Variants in PERP observed in about 807,000 individuals in gnomAD.
The protein encoded by PERP is p53 apoptosis effector related to PMP-22.
Under a neutral mutation model 20.3 loss-of-function variants are expected in PERP, and 11 were observed. The observed-to-expected ratio is 0.54, with a 90% confidence interval of 0.34 to 0.90. The LOEUF (loss-of-function observed/expected upper bound fraction) is 0.90. Ranked by LOEUF, PERP falls within the 40% of genes least tolerant of loss-of-function variation. The pLI is 0.02. For missense variants in PERP, 224 were observed against 249.4 expected (o/e 0.90, Z 0.69); for synonymous variants, 101 against 102.0 (o/e 0.99, Z 0.06).
chr6:138,103,882 G>A (rs575496845), intron 1 of PERP, among the ~76,000 whole-genome samples: 1 of 152,270 alleles, frequency 6.6e-6, no homozygotes, highest in East Asian at 1.9e-4. Context: ...GGCCAACAGC[G>A]ATTTCATGTT....
rs1196159972 is a variant in PERP, at chr6:138,091,345, ACT to A, written c.*695_*696del. On this transcript the variant is annotated 3_prime_UTR_variant, in exon 3 of 3. Transcript: ENST00000421351. ...TTCCCACACCCTAACCCTATAAAGA[ACT>A]TTAAAAGAGAAAATTTCATCTAAAT... 6.6e-6 allele frequency: 1 copy of A among 152,242 alleles called. No individual in the cohort carries two copies. Among genetic ancestry groups the A allele is most frequent in the African/African-American group, 2.4e-5 (1 of 41,454 alleles). 9.4% of individuals were successfully genotyped at this position (152,242 alleles called of 1,614,324 possible).
intron 1 of PERP, among the ~76,000 whole-genome samples, chr6:138,102,658 T>C (rs1775791194): frequency 1.3e-5 from 2 of 152,172 alleles, no homozygotes; most frequent in Non-Finnish European, 1.5e-5. Context: ...ACATGTGGAA[T>C]GAATGGCCTG....
intron 1 of PERP, among the ~76,000 whole-genome samples, chr6:138,101,092 G>A (rs1468135678): frequency 1.3e-5 from 2 of 152,106 alleles, no homozygotes; most frequent in Admixed American, 1.3e-4. Context: ...CTAGAAATAG[G>A]CCAGCCGCGG....
chr6:138,107,376 G>T lies in PERP; in HGVS notation c.-36C>A, dbSNP rs760679455. ...GGCGCGGGGCCGAGCGGAGCGGAGC[G>T]GAGCGGGTCGGAGGAGCGCGCGGGA... On this transcript the variant is annotated 5_prime_UTR_variant, in exon 1 of 3. Transcript: ENST00000421351. This position sits in a 1 kb window ranked among gnomAD's most constrained non-coding sequence, Gnocchi z 4.8. The T allele has an allele frequency of 2.0e-6, 3 of 1,490,208 alleles. No homozygotes were observed. In the African/African-American group the frequency reaches 4.3e-5, roughly 22 times the overall value. 92.3% of individuals were successfully genotyped at this position (1,490,208 alleles called of 1,614,324 possible).
chr6:138,096,007 G>A, intron 2 of PERP, among the ~76,000 whole-genome samples: 1 of 151,616 alleles, frequency 6.6e-6, no homozygotes, highest in East Asian at 1.9e-4. Flanking sequence ...CTCACAGCAG[G>A]CCAGGGCTGG....
At position 138,089,310 on chromosome 6, in the gene PERP, A is replaced by G. The variant is rs780092495; in HGVS notation, c.*2732T>C. 5 of 152,132 alleles carry G rather than the reference A, an allele frequency of 3.3e-5. No homozygotes were observed. The highest frequency in any genetic ancestry group is 1.2e-4 in the African/African-American group (5 of 41,418). 9.4% of individuals were successfully genotyped at this position (152,132 alleles called of 1,614,324 possible). On this transcript the variant is annotated 3_prime_UTR_variant, in exon 3 of 3. Transcript: ENST00000421351. The stretch of plus-strand genomic sequence containing the variant: ...TAAACCGAATTAAGTTATGATGACT[A>G]TATTTTCCATTGTTTTCATTTCCTT...
intron 1 of PERP, among the ~76,000 whole-genome samples, chr6:138,097,240 A>G (rs1196753126): frequency 6.6e-6 from 1 of 152,210 alleles, no homozygotes; most frequent in African/African-American, 2.4e-5. Flanking sequence ...GAAGACCTAC[A>G]TGGGTACCTC....
chr6:138,089,431 C>G lies in PERP; in HGVS notation c.*2611G>C, dbSNP rs1187550754. The G allele has an allele frequency of 6.6e-6, 1 of 152,164 alleles. No individual in the cohort carries two copies. The highest frequency in any genetic ancestry group is 1.5e-5 in the Non-Finnish European group (1 of 68,030). The allele number at this position is 152,164 out of a possible 1,614,324, so 9.4% of individuals were successfully genotyped here. A position where few individuals can be genotyped will look rare whatever the true frequency, so the allele number is the denominator to read the frequency against. On this transcript the variant is annotated 3_prime_UTR_variant, in exon 3 of 3. Transcript: ENST00000421351. ...GCTACCTTGTGTGAACATGGAAAGA[C>G]CTTGATATATTACTTCTTTGTTACA...
Position 138,089,569 on chromosome 6 carries a change from C to T in PERP, c.*2473G>A, listed in dbSNP as rs1408323432. 6.6e-6 allele frequency: 1 copy of T among 152,142 alleles called. No individual in the cohort carries two copies. 9.4% of individuals were successfully genotyped at this position (152,142 alleles called of 1,614,324 possible). On this transcript the variant is annotated 3_prime_UTR_variant, in exon 3 of 3. Transcript: ENST00000421351. ...GGAACTCAATATTTAATTACTGAAC[C>T]AAAAAGCACCTCAGCTTTACTGTGG...
rs916036007 is a variant in PERP, at chr6:138,107,260, G to T, written c.81C>A (p.Ile27=). ...ACCAGCCGCGGCCGGCCAGCGCGAT[G>T]ATGTCGAAGGCGATGGCGCTGAGTA... ...LLLLSAIAFD[I]IALAGRGWLQ... Residue 27 remains isoleucine, a synonymous_variant, in exon 1 of 3, where the codon ATC becomes ATA. Transcript: ENST00000421351. The surrounding 1 kb of genome is among the most constrained non-coding windows in gnomAD (Gnocchi z 4.8). The T allele has an allele frequency of 9.3e-6, 15 of 1,611,824 alleles. No homozygotes were observed. Among genetic ancestry groups the T allele is most frequent in the African/African-American group, 1.3e-5 (1 of 74,898 alleles).
chr6:138,104,567 A>T (rs1201702164), intron 1 of PERP, among the ~76,000 whole-genome samples: 1 of 152,246 alleles, frequency 6.6e-6, no homozygotes, highest in African/African-American at 2.4e-5. Flanking sequence ...TACCAAAATG[A>T]ACATATTGTT....
At chr6:138,096,575 T>C (rs1406204508) in intron 1 of PERP, 81 bp from the exon 2 acceptor site, 6 of 1,453,324 alleles carry the variant, frequency 4.1e-6, no homozygotes, top group Middle Eastern at 3.6e-4. Context: ...CAACATGGTT[T>C]TGGGCTTTTT....
chr6:138,101,169 G>C (rs1775765589), intron 1 of PERP, among the ~76,000 whole-genome samples: 1 of 152,172 alleles, frequency 6.6e-6, no homozygotes, highest in Non-Finnish European at 1.5e-5. Context: ...GGGAGTTCGA[G>C]ACCAGCCTGG....
At chr6:138,105,953 C>CAT (rs1340961285) in intron 1 of PERP, among the ~76,000 whole-genome samples, 3 of 152,154 alleles carry the variant, frequency 2.0e-5, no homozygotes, top group Non-Finnish European at 4.4e-5. Flanking sequence ...TATTACCTGG[C>CAT]TAATGGGGAC....
rs573306283 is a variant in PERP, at chr6:138,103,007, G to C, written c.214+4120C>G. 2.1e-3 allele frequency among the ~76,000 whole-genome samples: 314 copies of C among 151,738 alleles called. 1 individual carries two copies. The highest frequency in any genetic ancestry group is 6.9e-3 in the African/African-American group (288 of 41,454). On this transcript the variant is annotated intron_variant, in intron 1 of 2. Coordinates refer to ENST00000421351, the MANE Select transcript of PERP (RefSeq NM_022121.5). ...CGAGCTACTCGGGAGGCTCAGGCAGGAGAATGGTGTGAACCCGGGAGGCGG... is the reference window on the plus strand; with the variant it reads ...CGAGCTACTCGGGAGGCTCAGGCAGCAGAATGGTGTGAACCCGGGAGGCGG...
At chr6:138,097,822 G>A (rs1027724721) in intron 1 of PERP, among the ~76,000 whole-genome samples, 3 of 152,052 alleles carry the variant, frequency 2.0e-5, no homozygotes, top group Non-Finnish European at 2.9e-5. Context: ...TCACAGTGTT[G>A]TACAACCATC....
At chr6:138,101,364 T>C (rs1256899229) in intron 1 of PERP, among the ~76,000 whole-genome samples, 1 of 152,144 alleles carries the variant, frequency 6.6e-6, no homozygotes, top group East Asian at 1.9e-4. Flanking sequence ...AGGGAGACTC[T>C]GTCTCAAAAA....
At chr6:138,092,300 A>G in intron 2 of PERP, 32 bp from the exon 3 acceptor site, 2 of 1,515,152 alleles carry the variant, frequency 1.3e-6, no homozygotes, top group Non-Finnish European at 9.2e-7. Context: ...CAGGGTATGA[A>G]TGCATACATG....
chr6:138,099,325 C>CAGTCTCAT (rs1249444055), intron 1 of PERP, among the ~76,000 whole-genome samples: 2 of 152,206 alleles, frequency 1.3e-5, no homozygotes, highest in Non-Finnish European at 1.5e-5. Context: ...TTGTCAATTA[C>CAGTCTCAT]AGTCTCATTT....
Sources: gnomAD v4.1 joint callset for allele counts (sites outside exome capture counted in the v4.1 genomes callset) on GRCh38, gnomAD v4.1.1 for gene constraint, Gnocchi (gnomAD v3.1) non-coding constraint, MANE v1.5 for transcripts, NCBI Gene and HGNC (gene_info 2026-07-23, HGNC 2026-07-21) for gene names.